Variants in TUT7 observed in about 807,000 individuals in gnomAD.
TUT7 encodes terminal uridylyl transferase 7, also known as terminal uridylyltransferase 7.
Under a neutral mutation model 165.9 loss-of-function variants are expected in TUT7, and 33 were observed. That is an observed-to-expected ratio of 0.20 (90% CI 0.15 to 0.27). The LOEUF (loss-of-function observed/expected upper bound fraction) is 0.27, where lower values mean the gene tolerates loss of function less well. TUT7 is among the 10% of genes least tolerant of loss of function. The pLI, the probability that TUT7 is intolerant of heterozygous loss-of-function variation, is 1.00. For synonymous variants in TUT7, 552 were observed against 608.1 expected (o/e 0.91, Z 1.36); for missense variants, 1,338 against 1,762.3 (o/e 0.76, Z 4.31).
Position 86,346,459 on chromosome 9 carries a change from C to T in TUT7, c.542G>A (p.Arg181Lys), listed in dbSNP as rs1430542061. ...GSPENKKQRS[R>K]PRKPRKTRNE... ...TCTAGTCTTCCGTGGCTTCCTAGGT[C>T]TGGACCTCTGCTTCTTGTTTTCTTA... Residue 181 changes from arginine (R) to lysine (K), a missense_variant, in exon 3 of 27, where the codon AGA (arginine) becomes AAA (lysine). Physicochemically the swap from Arg to Lys is conservative, Grantham distance 26. Around this residue, in one of 7 missense-constraint regions of TUT7, gnomAD observed 434 missense variants for 480.8 expected, o/e 0.90. Transcript: ENST00000375963. 1.2e-6 allele frequency: 2 copies of T among 1,613,234 alleles called. No homozygotes were observed. Among genetic ancestry groups the T allele is most frequent in the Admixed American group, 3.3e-5 (2 of 59,826 alleles).
intron 10 of TUT7, among the ~76,000 whole-genome samples, chr9:86,331,627 TC>T (rs1290187230): frequency 6.6e-6 from 1 of 152,246 alleles, no homozygotes; most frequent in Admixed American, 6.5e-5. Context: ...GAAATCAATC[TC>T]ATCTGATATT....
At chr9:86,343,901 T>C (rs1405324250) in intron 5 of TUT7, among the ~76,000 whole-genome samples, 1 of 152,238 alleles carries the variant, frequency 6.6e-6, no homozygotes, top group African/African-American at 2.4e-5. Context: ...TTTTCTTGTT[T>C]GTTTAAGGTT....
At position 86,340,117 on chromosome 9, in the gene TUT7, A is replaced by C; in HGVS notation, c.1139-12T>G. On this transcript the variant is annotated splice_polypyrimidine_tract_variant and intron_variant, in intron 7 of 26. Transcript: ENST00000375963. ...ATCAATAAAGGAGTCTGAGGAAAGA[A>C]GAAGAAAAATATTAAGTTGGTTAAT... 6.2e-7 allele frequency: 1 copy of C among 1,610,380 alleles called. No individual in the cohort carries two copies. The highest frequency in any genetic ancestry group is 1.3e-5 in the African/African-American group (1 of 74,954).
rs1421612307 is a variant in TUT7 at position 86,353,076 on chromosome 9, C to T, written c.124G>A (p.Gly42Ser). 6.2e-7 allele frequency: 1 copy of T among 1,614,110 alleles called. No individual in the cohort carries two copies. Among genetic ancestry groups the T allele is most frequent in the Non-Finnish European group, 8.5e-7 (1 of 1,180,006 alleles). ...DYLIIDDHAK[G>S]HGSKMEKGLQ... ...CCCTTTTCCATTTTACTGCCATGGC[C>T]TTTAGCATGGTCATCTATTATTAAA... The change falls in exon 2 of 27, where the codon GGC becomes AGC. Residue 42 changes from glycine to serine, a missense_variant. Gly to Ser is a moderately conservative substitution (Grantham distance 56). Coordinates refer to ENST00000375963, the MANE Select transcript of TUT7 (RefSeq NM_024617.4).
intron 10 of TUT7, among the ~76,000 whole-genome samples, chr9:86,335,677 C>A (rs1479849620): frequency 6.6e-6 from 1 of 152,154 alleles, no homozygotes; most frequent in African/African-American, 2.4e-5. Context: ...ATGAGGACCT[C>A]ATTGGATTTT....
In TUT7 at chr9:86,323,419, G is replaced by C. The variant is rs556235880; in HGVS notation, c.2331C>G (p.Ser777Arg). Reference protein sequence around the residue: ...QKRGEHVVCGSTRNNESESTL... With the variant: ...QKRGEHVVCGRTRNNESESTL... ...TGCTCTCTGACTCATTATTACGTGT[G>C]CTGCCACAGACAACATGCTCTCCAC... The change falls in exon 13 of 27, where the codon AGC (serine) becomes AGG (arginine). Residue 777 changes from serine to arginine, a missense_variant. Coordinates refer to ENST00000375963, the MANE Select transcript of TUT7 (RefSeq NM_024617.4). The C allele has an allele frequency of 1.9e-6, 3 of 1,614,202 alleles. No individual in the cohort carries two copies. In the South Asian group the frequency reaches 3.3e-5, roughly 18 times the overall value.
At position 86,288,526 on chromosome 9, in the gene TUT7, C is replaced by A. The variant is rs1054923297; in HGVS notation, c.*151G>T. ...TATATTAAAAATTTTTCCTCATTAA[C>A]AATTTCATTAAATTAAAAAAAAATC... On this transcript the variant is annotated 3_prime_UTR_variant, in exon 27 of 27. Transcript: ENST00000375963. 7.6e-6 allele frequency: 4 copies of A among 523,026 alleles called. No individual in the cohort carries two copies. Among genetic ancestry groups the A allele is most frequent in the Non-Finnish European group, 1.3e-5 (4 of 304,474 alleles). 32.4% of individuals were successfully genotyped at this position (523,026 alleles called of 1,614,324 possible).
intron 17 of TUT7, among the ~76,000 whole-genome samples, chr9:86,315,474 A>G (rs1828616743): frequency 6.6e-6 from 1 of 152,230 alleles, no homozygotes; most frequent in African/African-American, 2.4e-5. Flanking sequence ...GAAAATGTTA[A>G]TTGGTGGATC....
At chr9:86,318,414 A>AG (rs1828934103) in intron 16 of TUT7, among the ~76,000 whole-genome samples, 1 of 152,240 alleles carries the variant, frequency 6.6e-6, no homozygotes, top group Non-Finnish European at 1.5e-5. Flanking sequence ...GAATTGCCCA[A>AG]GGGCCATCGT....
intron 5 of TUT7, 132 bp from the exon 6 acceptor site, chr9:86,343,295 T>C: frequency 2.0e-6 from 1 of 497,168 alleles, no homozygotes; most frequent in Non-Finnish European, 3.3e-6. Context: ...TATTCAAGAC[T>C]AGCATAAACA....
At chr9:86,314,891 T>C (rs897414075) in intron 17 of TUT7, among the ~76,000 whole-genome samples, 4 of 152,200 alleles carry the variant, frequency 2.6e-5, no homozygotes, top group African/African-American at 9.6e-5. Flanking sequence ...TTCACATCTA[T>C]GCACTTAGAA....
In TUT7 at chr9:86,288,631, A is replaced by G. The variant is rs781131731; in HGVS notation, c.*46T>C. ...GAAATGAACCTAATTTTCCGAGTGA[A>G]TAGGAACGCCTGAGTGGCCATTTAG... is the stretch of plus-strand genomic sequence containing the variant. On this transcript the variant is annotated 3_prime_UTR_variant, in exon 27 of 27. Transcript: ENST00000375963. 1.3e-6 allele frequency: 2 copies of G among 1,490,750 alleles called. No individual in the cohort carries two copies. The highest frequency in any genetic ancestry group is 2.3e-5 in the East Asian group (1 of 44,250). The allele number at this position is 1,490,750 out of a possible 1,614,324, so 92.3% of individuals were successfully genotyped here.
intron 25 of TUT7, chr9:86,301,831 G>A (rs1435444173): frequency 9.1e-6 from 9 of 985,332 alleles, no homozygotes; most frequent in Non-Finnish European, 1.1e-5. Flanking sequence ...CTCTAGTGCT[G>A]TAAAACCAAT....
rs941213860 is a variant in TUT7, at chr9:86,311,673, G to A, written c.3275-864C>T. ...GCCGGTCTCCCTCTGATGCCGAGCC[G>A]AAGCTGGACTGTACCGCTGCCATCT... On this transcript the variant is annotated intron_variant, in intron 17 of 26. Transcript: ENST00000375963. The surrounding 1 kb of genome is among the most constrained non-coding windows in gnomAD (Gnocchi z 4.4). 5.1e-5 allele frequency among the ~76,000 whole-genome samples: 5 copies of A among 97,296 alleles called. No homozygotes were observed. Among genetic ancestry groups the A allele is most frequent in the African/African-American group, 2.6e-4 (5 of 18,994 alleles). The allele number at this position is 97,296 out of a possible 152,430, so 63.8% of individuals were successfully genotyped here. A position where few individuals can be genotyped will look rare whatever the true frequency, so the allele number is the denominator to read the frequency against.
rs1322955066 is a variant in TUT7, at chr9:86,322,248, T to A, written c.3028+77A>T. The A allele has an allele frequency of 5.1e-6, 7 of 1,378,638 alleles. No homozygotes were observed. In the Admixed American group the frequency reaches 9.1e-5, roughly 18 times the overall value. The allele number at this position is 1,378,638 out of a possible 1,614,324, so 85.4% of individuals were successfully genotyped here. A position where few individuals can be genotyped will look rare whatever the true frequency, so the allele number is the denominator to read the frequency against. On this transcript the variant is annotated intron_variant, in intron 14 of 26. Coordinates refer to ENST00000375963, the MANE Select transcript of TUT7 (RefSeq NM_024617.4). ...CCCTAATAATGTTTAGAGACCTAAA[T>A]AGGATAGTGATTCTAAAGACTCGAG...
chr9:86,347,854 T>G (rs894289811), intron 2 of TUT7, among the ~76,000 whole-genome samples: 1 of 152,060 alleles, frequency 6.6e-6, no homozygotes, highest in African/African-American at 2.4e-5. Context: ...CATAATCTTT[T>G]AAGGCCAGTA....
At chr9:86,293,310 A>G (rs1672331593) in intron 26 of TUT7, among the ~76,000 whole-genome samples, 1 of 151,924 alleles carries the variant, frequency 6.6e-6, no homozygotes, top group Admixed American at 6.6e-5. Flanking sequence ...AAATCAGCTG[A>G]GTGTGGTCTC....
rs779498023 is a variant in TUT7, at chr9:86,303,123, T to C, written c.4057A>G (p.Ile1353Val). The C allele has an allele frequency of 1.9e-6, 3 of 1,610,548 alleles. No individual in the cohort carries two copies. The highest frequency in any genetic ancestry group is 2.5e-6 in the Non-Finnish European group (3 of 1,177,928). Residue 1353 changes from isoleucine to valine, a missense_variant, in exon 25 of 27, where the codon ATC becomes GTC. Physicochemically the swap from Ile to Val is conservative, Grantham distance 29. Transcript: ENST00000375963. ...GGACAGTCCTTCATGAAGTGTCCGA[T>C]TTTTCCACAAATTCGACAACATCTA... ...NDRCCRICGK[I>V]GHFMKDCPMR...
At chr9:86,291,533 T>C (rs1016928024) in intron 26 of TUT7, among the ~76,000 whole-genome samples, 2 of 148,058 alleles carry the variant, frequency 1.4e-5, no homozygotes, top group African/African-American at 5.0e-5. Flanking sequence ...GATTGTGCCA[T>C]TGCACTCCAG....
Sources: allele counts gnomAD v4.1 joint callset (sites outside exome capture counted in the v4.1 genomes callset), GRCh38; gene constraint gnomAD v4.1.1; regional missense constraint gnomAD v4.1.1; non-coding constraint Gnocchi (gnomAD v3.1); transcripts MANE v1.5; gene names NCBI Gene and HGNC (gene_info 2026-07-23, HGNC 2026-07-21).